SYNGR3: variants seen among roughly 807,000 people sequenced by gnomAD.
The protein encoded by SYNGR3 is synaptogyrin 3.
Under a neutral mutation model 18.5 loss-of-function variants are expected in SYNGR3, and 10 were observed. That is an observed-to-expected ratio of 0.54 (90% CI 0.33 to 0.92). The LOEUF is 0.92. SYNGR3 is among the 40% of genes least tolerant of loss of function. The probability of loss-of-function intolerance (pLI) is 0.02; values close to 1 mark genes in which losing one functional copy is unlikely to be tolerated. For missense variants in SYNGR3, 335 were observed against 332.8 expected, an observed-to-expected ratio of 1.01 and a Z score of -0.05; for synonymous variants, 188 against 157.2, an observed-to-expected ratio of 1.20 and a Z score of -1.47.
intron 1 of SYNGR3, chr16:1,991,084 G>T (rs1178297386): frequency 6.6e-6 from 1 of 152,604 alleles, no homozygotes; most frequent in African/African-American, 2.4e-5. Context: ...AAGGGATGAG[G>T]TTGAGGCTGG....
At chr16:1,990,300 G>GC (rs2083595890) in intron 1 of SYNGR3, 99 bp downstream of exon 1, 4 of 357,604 alleles carry the variant, frequency 1.1e-5, no homozygotes, top group South Asian at 2.9e-4. Flanking sequence ...CCTGCTTCTC[G>GC]CCCCCCGACC....
At chr16:1,990,597 C>T in intron 1 of SYNGR3, 1 of 406,866 alleles carries the variant, frequency 2.5e-6, no homozygotes, top group Non-Finnish European at 5.0e-6. Context: ...AACCGAGAAG[C>T]GCCTCCCCTT....
In SYNGR3 at chr16:1,990,442, G is replaced by T. The variant is rs2083596956; in HGVS notation, c.99+241G>T. The stretch of plus-strand genomic sequence containing the variant: ...CGGAGAGGGACCTTGAGAGGTCACC[G>T]CCGGTCGCCTCTACCCCTACCTCCT... On this transcript the variant is annotated intron_variant, in intron 1 of 3. Transcript: ENST00000248121. 3 of 494,970 alleles carry T rather than the reference G, an allele frequency of 6.1e-6. No individual in the cohort carries two copies. The South Asian group carries it at 6.3e-5, about 10-fold the overall frequency. The allele number at this position is 494,970 out of a possible 1,614,324, so 30.7% of individuals were successfully genotyped here.
chr16:1,992,723 C>T lies in SYNGR3; in HGVS notation c.425C>T (p.Ala142Val). 4 of 1,591,616 alleles carry T rather than the reference C, an allele frequency of 2.5e-6. No homozygotes were observed. Among genetic ancestry groups the T allele is most frequent in the Non-Finnish European group, 3.4e-6 (4 of 1,172,588 alleles). ...RTAPGPATTQ[A>V]GDAARAAIAF... ...GCGCCAGGGCCGGCCACGACGCAGG[C>T]GGGGGACGCGGCGCGGGCCGCCATC... Residue 142 changes from alanine to valine, a missense_variant, in exon 3 of 4, where the codon GCG becomes GTG. Ala to Val is a moderately conservative substitution (Grantham distance 64). Transcript: ENST00000248121.
At chr16:1,990,553 C>T (rs1265266870) in intron 1 of SYNGR3, 1 of 455,152 alleles carries the variant, frequency 2.2e-6, no homozygotes, top group Admixed American at 2.4e-5. Context: ...GGGGTGGGGA[C>T]GGAATTCTCC....
chr16:1,992,301 C>T lies in SYNGR3; in HGVS notation c.337+90C>T, dbSNP rs903914278. The T allele has an allele frequency of 1.9e-4, 175 of 914,600 alleles. No homozygotes were observed. In the Middle Eastern group the frequency reaches 2.1e-3, roughly 11 times the overall value. 56.7% of individuals were successfully genotyped at this position (914,600 alleles called of 1,614,324 possible). A position where few individuals can be genotyped will look rare whatever the true frequency, so the allele number is the denominator to read the frequency against. ...GGGCGGGGAACACCGCTGGAGTTTC[C>T]AGCTGGGCGTGGCCGTGACGAGGGG... On this transcript the variant is annotated intron_variant, in intron 2 of 3. Transcript: ENST00000248121.
rs1433524854 is a variant in SYNGR3, at chr16:1,992,932, C to G, written c.550C>G (p.Gln184Glu). The change falls in exon 4 of 4, where the codon CAG (glutamine) becomes GAG (glutamate). Residue 184 changes from glutamine to glutamate, a missense_variant. Physicochemically the swap from Gln to Glu is conservative, Grantham distance 29. Transcript: ENST00000248121. ...CGACATGTCACTCTTCGCCACCGAA[C>G]AGCTGAGCACCGGGGCGAGCCAGGC... ...GTDMSLFATEQLSTGASQAYP... is the reference protein window; with the variant it reads ...GTDMSLFATEELSTGASQAYP... The G allele has an allele frequency of 1.2e-6, 2 of 1,610,978 alleles. No individual in the cohort carries two copies.
chr16:1,990,553 C>A, intron 1 of SYNGR3: 1 of 455,152 alleles, frequency 2.2e-6, no homozygotes, highest in South Asian at 1.6e-5. Flanking sequence ...GGGGTGGGGA[C>A]GGAATTCTCC....
chr16:1,990,669 AG>A (rs1314328159), intron 1 of SYNGR3: 1 of 287,440 alleles, frequency 3.5e-6, no homozygotes, highest in Non-Finnish European at 7.3e-6. Flanking sequence ...CCCCAGTTCC[AG>A]CTGTGAGTTG....
Position 1,992,032 on chromosome 16 carries a change from G to A in SYNGR3, c.158G>A (p.Ser53Asn). 1.3e-6 allele frequency: 2 copies of A among 1,583,410 alleles called. No homozygotes were observed. The highest frequency in any genetic ancestry group is 1.7e-6 in the Non-Finnish European group (2 of 1,166,760). Reference protein sequence around the residue: ...IVNEGYVNTDSGPELRCVFNG... With the variant: ...IVNEGYVNTDNGPELRCVFNG... ...AACGAGGGCTACGTGAACACCGACA[G>A]CGGCCCCGAGCTGCGCTGCGTGTTC... is the stretch of plus-strand genomic sequence containing the variant. Residue 53 changes from serine to asparagine, a missense_variant, in exon 2 of 4, where the codon AGC (serine) becomes AAC (asparagine). Transcript: ENST00000248121.
Position 1,992,852 on chromosome 16 carries a change from G to T in SYNGR3, c.481-11G>T. ...GATCCCGGCTGACCCCGCTGACCCCGCCCCGCGCAGGTGGCGCTCACCGTG... is the reference window on the plus strand; with the variant it reads ...GATCCCGGCTGACCCCGCTGACCCCTCCCCGCGCAGGTGGCGCTCACCGTG... On this transcript the variant is annotated splice_polypyrimidine_tract_variant and intron_variant, in intron 3 of 3. Coordinates refer to ENST00000248121, the MANE Select transcript of SYNGR3 (RefSeq NM_004209.6). 5 of 1,541,384 alleles carry T rather than the reference G, an allele frequency of 3.2e-6. No individual in the cohort carries two copies. Among genetic ancestry groups the T allele is most frequent in the Non-Finnish European group, 4.4e-6 (5 of 1,144,980 alleles).
rs1434836819 is a variant in SYNGR3, at chr16:1,992,019, G to A, written c.145G>A (p.Val49Met). 18 of 1,591,638 alleles carry A rather than the reference G, an allele frequency of 1.1e-5. No homozygotes were observed. Among genetic ancestry groups the A allele is most frequent in the Non-Finnish European group, 1.5e-5 (17 of 1,170,988 alleles). The change falls in exon 2 of 4, where the codon GTG becomes ATG. Residue 49 changes from valine to methionine, a missense_variant. Coordinates refer to ENST00000248121, the MANE Select transcript of SYNGR3 (RefSeq NM_004209.6). ...VFGPIVNEGY[V>M]NTDSGPELRC... ...CGGGCCCATCGTCAACGAGGGCTAC[G>A]TGAACACCGACAGCGGCCCCGAGCT...
At chr16:1,990,248 C>A in intron 1 of SYNGR3, 47 bp downstream of exon 1, 1 of 1,037,406 alleles carries the variant, frequency 9.6e-7, no homozygotes, top group Non-Finnish European at 1.2e-6. Flanking sequence ...TGCCTCGCGA[C>A]CTTCAGGCCC....
rs778659013 is a variant in SYNGR3 at position 1,992,748 on chromosome 16, C to A, written c.450C>A (p.Ile150=). 1 of 1,580,240 alleles carries A rather than the reference C, an allele frequency of 6.3e-7. No individual in the cohort carries two copies. The highest frequency in any genetic ancestry group is 8.6e-7 in the Non-Finnish European group (1 of 1,167,114). ...TQAGDAARAA[I]AFSFFSILSW... is the part of the protein sequence containing the mutation. Reference sequence around the variant, plus strand: ...CGGGGGACGCGGCGCGGGCCGCCATCGCCTTCAGCTTCTTCTCCATCCTCA... The same window carrying A: ...CGGGGGACGCGGCGCGGGCCGCCATAGCCTTCAGCTTCTTCTCCATCCTCA... The change falls in exon 3 of 4, where the codon ATC becomes ATA. Residue 150 remains isoleucine (I), a synonymous_variant. Transcript: ENST00000248121.
chr16:1,991,195 T>C (rs534099495), intron 1 of SYNGR3: 5 of 152,346 alleles, frequency 3.3e-5, no homozygotes, highest in South Asian at 2.1e-4. Context: ...GCAGGAGGCA[T>C]TGAGGTTTGA....
chr16:1,992,323 G>A, intron 2 of SYNGR3, 112 bp downstream of exon 2: 1 of 861,976 alleles, frequency 1.2e-6, no homozygotes, highest in Non-Finnish European at 1.6e-6. Flanking sequence ...GCCGTGACGA[G>A]GGGCGGGGAC....
rs1352800006 is a variant in SYNGR3 at position 1,992,179 on chromosome 16, G to A, written c.305G>A (p.Arg102Gln). The change falls in exon 2 of 4, where the codon CGG becomes CAG. Residue 102 changes from arginine (R) to glutamine (Q), a missense_variant. Physicochemically the swap from Arg to Gln is conservative, Grantham distance 43. Transcript: ENST00000248121. ...FQQISSVRDR[R>Q]RAVLLDLGFS... ...CAAATCAGCAGCGTCCGCGACCGCC[G>A]GCGCGCGGTGTTGCTGGACCTGGGC... The A allele has an allele frequency of 2.1e-6, 3 of 1,447,212 alleles. No individual in the cohort carries two copies. The highest frequency in any genetic ancestry group is 5.1e-5 in the Admixed American group (2 of 39,488). The allele number at this position is 1,447,212 out of a possible 1,614,324, so 89.6% of individuals were successfully genotyped here.
chr16:1,993,181 GT>G lies in SYNGR3; in HGVS notation c.*110del. 7.2e-7 allele frequency: 1 copy of G among 1,380,960 alleles called. No homozygotes were observed. The highest frequency in any genetic ancestry group is 9.8e-7 in the Non-Finnish European group (1 of 1,019,958). 85.5% of individuals were successfully genotyped at this position (1,380,960 alleles called of 1,614,324 possible). A position where few individuals can be genotyped will look rare whatever the true frequency, so the allele number is the denominator to read the frequency against. On this transcript the variant is annotated 3_prime_UTR_variant, in exon 4 of 4. Coordinates refer to ENST00000248121, the MANE Select transcript of SYNGR3 (RefSeq NM_004209.6). ...CAGCTCAGTGCCGCGGACAGAGTAG[GT>G]GGCCGCTTTGCGCCATCCGGGGCCA...
chr16:1,992,701 C>G lies in SYNGR3; in HGVS notation c.403C>G (p.Pro135Ala). 1 of 1,601,896 alleles carries G rather than the reference C, an allele frequency of 6.2e-7. No homozygotes were observed. The highest frequency in any genetic ancestry group is 1.1e-5 in the South Asian group (1 of 90,664). The change falls in exon 3 of 4, where the codon CCA becomes GCA. Residue 135 changes from proline to alanine, a missense_variant. Coordinates refer to ENST00000248121, the MANE Select transcript of SYNGR3 (RefSeq NM_004209.6). ...FLTNQWQRTA[P>A]GPATTQAGDA... ...CACCAATCAGTGGCAGCGCACGGCGCCAGGGCCGGCCACGACGCAGGCGGG... is the reference window on the plus strand; with the variant it reads ...CACCAATCAGTGGCAGCGCACGGCGGCAGGGCCGGCCACGACGCAGGCGGG...
Sources: gnomAD v4.1 joint callset for allele counts on GRCh38, gnomAD v4.1.1 for gene constraint, MANE v1.5 for transcripts, NCBI Gene and HGNC (gene_info 2026-07-23, HGNC 2026-07-21) for gene names.